Variants in AGBL4 observed in about 807,000 individuals in gnomAD.
The protein encoded by AGBL4 is cytosolic carboxypeptidase 6.
AGBL4 carries 58 observed loss-of-function variants against 66.4 expected under a neutral mutation model. The observed-to-expected ratio is 0.87, with a 90% confidence interval of 0.71 to 1.09. The LOEUF (loss-of-function observed/expected upper bound fraction) is 1.09, where lower values mean the gene tolerates loss of function less well. Ranked by LOEUF, AGBL4 falls within the 50% of genes least tolerant of loss-of-function variation. The pLI is 0.00. For missense variants in AGBL4, 579 were observed against 631.0 expected (o/e 0.92, Z 0.88); for synonymous variants, 234 against 222.9 (o/e 1.05, Z -0.44).
intron 4 of AGBL4, among the ~76,000 whole-genome samples, chr1:49,236,773 A>T: frequency 6.6e-6 from 1 of 152,096 alleles, no homozygotes. Context: ...TCCCATTACC[A>T]AAAAATCTAC....
chr1:49,246,099 T>G (rs1651623827), intron 3 of AGBL4, among the ~76,000 whole-genome samples: 1 of 151,960 alleles, frequency 6.6e-6, no homozygotes, highest in Admixed American at 6.6e-5. Context: ...ACTCTACTGC[T>G]TTTCAATTGT....
chr1:49,383,909 G>T (rs1226033648), intron 3 of AGBL4, among the ~76,000 whole-genome samples: 2 of 151,810 alleles, frequency 1.3e-5, no homozygotes, highest in African/African-American at 2.4e-5. Flanking sequence ...CGATTCCCCT[G>T]CCTCAGCCTC....
At chr1:49,230,387 G>T (rs559203643) in intron 4 of AGBL4, among the ~76,000 whole-genome samples, 1 of 152,148 alleles carries the variant, frequency 6.6e-6, no homozygotes, top group Non-Finnish European at 1.5e-5. Flanking sequence ...AAGAAGCAGT[G>T]TATAAAGAAT....
chr1:48,869,408 T>C (rs949550739), intron 5 of AGBL4, among the ~76,000 whole-genome samples: 3 of 152,210 alleles, frequency 2.0e-5, no homozygotes, highest in Non-Finnish European at 4.4e-5. Flanking sequence ...ACTTTCTTCA[T>C]ACATAAGGGA....
intron 4 of AGBL4, among the ~76,000 whole-genome samples, chr1:49,235,599 A>C (rs2148306262): frequency 6.6e-6 from 1 of 152,322 alleles, no homozygotes; most frequent in East Asian, 1.9e-4. Context: ...AAAGACTATG[A>C]ATAATAATCT....
intron 6 of AGBL4, among the ~76,000 whole-genome samples, chr1:48,800,851 A>G (rs1297814695): frequency 2.0e-5 from 3 of 152,150 alleles, no homozygotes; most frequent in African/African-American, 7.2e-5. Flanking sequence ...TTCTCAGGCA[A>G]TGAATGCATA....
At chr1:48,822,734 C>T (rs7533353) in intron 6 of AGBL4, among the ~76,000 whole-genome samples, 47,117 of 152,154 alleles carry the variant, frequency 0.31, 7,943 homozygotes, top group East Asian at 0.71. Flanking sequence ...AGCTTGCTGA[C>T]TGCAGGCCTT....
intron 3 of AGBL4, among the ~76,000 whole-genome samples, chr1:49,257,183 C>G (rs917017244): frequency 6.6e-6 from 1 of 151,996 alleles, no homozygotes; most frequent in Non-Finnish European, 1.5e-5. Flanking sequence ...AAAAATAGAA[C>G]CACTGCTCTC....
intron 4 of AGBL4, among the ~76,000 whole-genome samples, chr1:49,095,923 T>C (rs1645090434): frequency 1.3e-5 from 2 of 151,342 alleles, no homozygotes; most frequent in African/African-American, 4.9e-5. Context: ...TGGGAGAAAA[T>C]TTTTGCAATC....
chr1:50,023,954 T>C lies in AGBL4; in HGVS notation c.-158A>G. 1 of 745,462 alleles carries C rather than the reference T, an allele frequency of 1.3e-6. No individual in the cohort carries two copies. The highest frequency in any genetic ancestry group is 2.0e-6 in the Non-Finnish European group (1 of 496,292). 46.2% of individuals were successfully genotyped at this position (745,462 alleles called of 1,614,324 possible). A position where few individuals can be genotyped will look rare whatever the true frequency, so the allele number is the denominator to read the frequency against. ...GGCGCGCGGGTGGCCGGCGCGCGGC[T>C]GAGGGCGGGAGGGACGCCTGGGAGG... On this transcript the variant is annotated 5_prime_UTR_variant, in exon 1 of 14. Coordinates refer to ENST00000371839, the MANE Select transcript of AGBL4 (RefSeq NM_032785.4).
intron 2 of AGBL4, among the ~76,000 whole-genome samples, chr1:49,849,634 C>A (rs980697915): frequency 3.3e-5 from 5 of 151,970 alleles, no homozygotes; most frequent in African/African-American, 4.8e-5. Flanking sequence ...CACTCTACTG[C>A]AAGTCTCATG....
chr1:49,911,369 G>C (rs953203739), intron 1 of AGBL4, among the ~76,000 whole-genome samples: 1 of 152,248 alleles, frequency 6.6e-6, no homozygotes, highest in Non-Finnish European at 1.5e-5. Context: ...CACTCCTACA[G>C]ATGGTGGAAT....
rs560771663 is a variant in AGBL4 at position 48,736,489 on chromosome 1, G to A, written c.635-73248C>T. ...AAGAACACCAGCACCTGTTTAGTCC[G>A]ACAGGAGGGCAGTGGGAGGCTTCTC... On this transcript the variant is annotated intron_variant, in intron 6 of 13. Transcript: ENST00000371839. The surrounding 1 kb of genome is among the most constrained non-coding windows in gnomAD (Gnocchi z 4.0). The A allele has an allele frequency of 1.3e-5, 21 of 1,573,448 alleles. No individual in the cohort carries two copies. The East Asian group carries it at 1.3e-4, about 10-fold the overall frequency.
chr1:49,246,769 G>A (rs1651679000), intron 3 of AGBL4, among the ~76,000 whole-genome samples: 1 of 151,974 alleles, frequency 6.6e-6, no homozygotes, highest in Non-Finnish European at 1.5e-5. Flanking sequence ...GATGATGAGA[G>A]CTACGGGTAG....
chr1:49,316,515 A>G (rs542826983), intron 3 of AGBL4, among the ~76,000 whole-genome samples: 1 of 152,098 alleles, frequency 6.6e-6, no homozygotes, highest in Admixed American at 6.6e-5. Context: ...AGCATGAACG[A>G]GAGTTGCAAA....
intron 5 of AGBL4, among the ~76,000 whole-genome samples, chr1:48,979,662 A>T (rs1925425): frequency 0.54 from 82,238 of 151,808 alleles, 22,538 homozygotes; most frequent in Admixed American, 0.58. Context: ...ACTTCAGTGA[A>T]CAAATGTGCA....
rs574080223 is a variant in AGBL4, at chr1:48,764,877, C to A, written c.635-101636G>T. On this transcript the variant is annotated intron_variant, in intron 6 of 13. Coordinates refer to ENST00000371839, the MANE Select transcript of AGBL4 (RefSeq NM_032785.4). The stretch of plus-strand genomic sequence containing the variant: ...GAGCTCAGCAAGGACTGCCTGCTGG[C>A]TTCTGCTGGCTTGGGGCTTGGGGCA... Among the ~76,000 whole-genome samples, 15 of 152,318 alleles carry A rather than the reference C, an allele frequency of 9.8e-5. No homozygotes were observed. The South Asian group carries it at 2.9e-3, about 29-fold the overall frequency.
chr1:49,930,143 ACT>A (rs1358996318), intron 1 of AGBL4, among the ~76,000 whole-genome samples: 1 of 152,060 alleles, frequency 6.6e-6, no homozygotes, highest in Non-Finnish European at 1.5e-5. Flanking sequence ...ATCACTATAG[ACT>A]CTACAGATAT....
At chr1:48,531,118 C>G (rs1208775236), downstream of AGBL4, among the ~76,000 whole-genome samples, 1 of 152,120 alleles carries the variant, frequency 6.6e-6, no homozygotes, top group Admixed American at 6.6e-5. Context: ...TTGCTCAGTC[C>G]TTTTTTTCTG....
Sources: gnomAD v4.1 joint callset for allele counts (sites outside exome capture counted in the v4.1 genomes callset) on GRCh38, gnomAD v4.1.1 for gene constraint, Gnocchi (gnomAD v3.1) non-coding constraint, MANE v1.5 for transcripts, NCBI Gene and HGNC (gene_info 2026-07-23, HGNC 2026-07-21) for gene names.